SGCZ: variants seen among roughly 807,000 people sequenced by gnomAD.
SGCZ encodes sarcoglycan zeta.
SGCZ carries 40 observed loss-of-function variants against 41.3 expected under a neutral mutation model. That is an observed-to-expected ratio of 0.97 (90% CI 0.75 to 1.26). The LOEUF is 1.26. SGCZ is among the 50% of genes most tolerant of loss of function. SGCZ has a pLI of 0.00. For missense variants in SGCZ, 552 were observed against 369.8 expected, an observed-to-expected ratio of 1.49 and a Z score of -4.04; for synonymous variants, 206 against 137.5, an observed-to-expected ratio of 1.50 and a Z score of -3.49.
intron 1 of SGCZ, among the ~76,000 whole-genome samples, chr8:15,038,882 G>A (rs965176018): frequency 8.6e-5 from 13 of 150,422 alleles, no homozygotes; most frequent in Non-Finnish European, 1.6e-4. Flanking sequence ...GCGAAAAACT[G>A]CTTAACATCA....
intron 2 of SGCZ, among the ~76,000 whole-genome samples, chr8:14,459,421 AAATAAAAT>A (rs912515089): frequency 6.6e-6 from 1 of 151,208 alleles, no homozygotes; most frequent in African/African-American, 2.5e-5. Context: ...GTATAATAAA[AAATAAAAT>A]AAAAAATAAA....
At position 15,238,222 on chromosome 8, in the gene SGCZ, G is replaced by A. The variant is rs1036862837; in HGVS notation, c.-599C>T. On this transcript the variant is annotated 5_prime_UTR_variant, in exon 1 of 8. Coordinates refer to ENST00000382080, the MANE Select transcript of SGCZ (RefSeq NM_139167.4). ...CTTGTAGCTGAGAGGTATTTTCTCAGTGGGGAAAAGAAGATAATCAAGTCA... is the reference window on the plus strand; with the variant it reads ...CTTGTAGCTGAGAGGTATTTTCTCAATGGGGAAAAGAAGATAATCAAGTCA... 1.3e-5 allele frequency: 2 copies of A among 152,396 alleles called. No homozygotes were observed. The highest frequency in any genetic ancestry group is 1.3e-4 in the Admixed American group (2 of 15,300). 9.4% of individuals were successfully genotyped at this position (152,396 alleles called of 1,614,324 possible).
chr8:15,024,083 A>G (rs1221929101), intron 1 of SGCZ, among the ~76,000 whole-genome samples: 2 of 152,196 alleles, frequency 1.3e-5, no homozygotes, highest in Admixed American at 6.5e-5. Flanking sequence ...TATAAGACCA[A>G]AGCAATTGGT....
At chr8:15,159,712 T>TTCC (rs1799446023) in intron 1 of SGCZ, among the ~76,000 whole-genome samples, 3 of 42,072 alleles carry the variant, frequency 7.1e-5, no homozygotes, top group Non-Finnish European at 1.6e-4. Context: ...TTTTTTTTGT[T>TTCC]CCCCCCTCCC....
intron 3 of SGCZ, among the ~76,000 whole-genome samples, chr8:14,253,243 G>GGTGT (rs10681510): frequency 0.024 from 3,508 of 148,914 alleles, 57 homozygotes; most frequent in Admixed American, 0.036. Context: ...TTGTGTGTAG[G>GGTGT]GTGTGTGTGT....
intron 5 of SGCZ, among the ~76,000 whole-genome samples, chr8:14,113,904 T>G (rs1406866824): frequency 1.3e-5 from 2 of 152,122 alleles, no homozygotes; most frequent in East Asian, 3.9e-4. Context: ...ATATGCAACC[T>G]CTTTCTCCTC....
At chr8:15,191,671 T>G (rs1800544833) in intron 1 of SGCZ, among the ~76,000 whole-genome samples, 1 of 151,948 alleles carries the variant, frequency 6.6e-6, no homozygotes, top group African/African-American at 2.4e-5. Flanking sequence ...TAACTAACAT[T>G]TAGGAAATTC....
intron 3 of SGCZ, among the ~76,000 whole-genome samples, chr8:14,307,566 G>A (rs1424880197): frequency 6.6e-6 from 1 of 152,008 alleles, no homozygotes; most frequent in Non-Finnish European, 1.5e-5. Flanking sequence ...TGAGGGACAG[G>A]GCACTAAAAT....
chr8:14,207,874 C>G (rs1474585622), intron 4 of SGCZ, among the ~76,000 whole-genome samples: 1 of 152,060 alleles, frequency 6.6e-6, no homozygotes, highest in Admixed American at 6.5e-5. Flanking sequence ...TGGGGTAGAT[C>G]TGATCATATG....
intron 1 of SGCZ, among the ~76,000 whole-genome samples, chr8:14,913,073 A>G (rs1799325111): frequency 6.6e-6 from 1 of 152,086 alleles, no homozygotes; most frequent in Admixed American, 6.6e-5. Context: ...AATGTGGTAG[A>G]ATAAATAGAA....
chr8:14,713,486 C>A (rs1362506047), intron 1 of SGCZ, among the ~76,000 whole-genome samples: 1 of 152,024 alleles, frequency 6.6e-6, no homozygotes, highest in African/African-American at 2.4e-5. Flanking sequence ...TGTCAAAATA[C>A]TAGGATAAAA....
chr8:14,684,470 C>A (rs1157173241), intron 1 of SGCZ, among the ~76,000 whole-genome samples: 2 of 152,110 alleles, frequency 1.3e-5, no homozygotes, highest in African/African-American at 4.8e-5. Flanking sequence ...GCTAAAAGAG[C>A]TTTGGGACAT....
At chr8:15,062,684 G>C (rs1179312946) in intron 1 of SGCZ, among the ~76,000 whole-genome samples, 2 of 152,138 alleles carry the variant, frequency 1.3e-5, no homozygotes, top group Non-Finnish European at 1.5e-5. Context: ...AGGAGCATCA[G>C]ATAAAGCAGT....
At chr8:14,771,961 G>C (rs1467510104) in intron 1 of SGCZ, among the ~76,000 whole-genome samples, 2 of 151,974 alleles carry the variant, frequency 1.3e-5, no homozygotes, top group Middle Eastern at 3.2e-3. Flanking sequence ...TTCATATATA[G>C]TCAGTCCCAA....
chr8:15,142,492 G>A (rs1168213418), intron 1 of SGCZ, among the ~76,000 whole-genome samples: 1 of 152,060 alleles, frequency 6.6e-6, no homozygotes, highest in Admixed American at 6.6e-5. Flanking sequence ...AGCTAAAGTA[G>A]AGACTGGGAG....
At chr8:15,106,349 A>G (rs1424517411) in intron 1 of SGCZ, among the ~76,000 whole-genome samples, 2 of 152,132 alleles carry the variant, frequency 1.3e-5, no homozygotes, top group Non-Finnish European at 2.9e-5. Context: ...GACATTATAT[A>G]CATATTACAT....
intron 1 of SGCZ, among the ~76,000 whole-genome samples, chr8:14,595,587 T>C (rs766571579): frequency 3.3e-5 from 5 of 152,198 alleles, no homozygotes; most frequent in Non-Finnish European, 7.3e-5. Context: ...AGCAGCTGGC[T>C]AACCTTGAAC....
At chr8:14,691,746 G>C (rs1179816956) in intron 1 of SGCZ, among the ~76,000 whole-genome samples, 1 of 151,866 alleles carries the variant, frequency 6.6e-6, no homozygotes, top group East Asian at 1.9e-4. Flanking sequence ...TCCAAATACA[G>C]AATAATAAAA....
At chr8:15,100,678 A>G (rs1806574337) in intron 1 of SGCZ, among the ~76,000 whole-genome samples, 1 of 152,200 alleles carries the variant, frequency 6.6e-6, no homozygotes, top group Non-Finnish European at 1.5e-5. Context: ...GACAGACACT[A>G]CTTAACTTCA....
Sources: gnomAD v4.1 joint callset for allele counts (sites outside exome capture counted in the v4.1 genomes callset) on GRCh38, gnomAD v4.1.1 for gene constraint, MANE v1.5 for transcripts, NCBI Gene and HGNC (gene_info 2026-07-23, HGNC 2026-07-21) for gene names.